The following ZNF521 variants were observed in gnomAD, a reference collection of about 807,000 sequenced individuals.
ZNF521 encodes zinc finger protein 521.
In ZNF521, 14 loss-of-function variants were observed where a neutral mutation model predicts 105.5. The observed-to-expected ratio is 0.13, with a 90% CI of 0.09 to 0.21. The LOEUF (loss-of-function observed/expected upper bound fraction) is 0.21. Ranked by LOEUF, ZNF521 falls within the 10% of genes least tolerant of loss-of-function variation. The probability of loss-of-function intolerance (pLI) is 1.00; values close to 1 mark genes in which losing one functional copy is unlikely to be tolerated. For synonymous variants in ZNF521, 635 were observed against 606.0 expected, an observed-to-expected ratio of 1.05 and a Z score of -0.70; for missense variants, 1,233 against 1,629.7, an observed-to-expected ratio of 0.76 and a Z score of 4.19.
At chr18:25,277,341 ACTTTC>A (rs930250119) in intron 3 of ZNF521, among the ~76,000 whole-genome samples, 4 of 152,268 alleles carry the variant, frequency 2.6e-5, no homozygotes, top group Non-Finnish European at 5.9e-5. Flanking sequence ...AAACAATGTT[ACTTTC>A]CTTTCCTATT....
intron 2 of ZNF521, among the ~76,000 whole-genome samples, chr18:25,323,770 T>C (rs62082267): frequency 0.08 from 12,126 of 152,264 alleles, 643 homozygotes; most frequent in Middle Eastern, 0.17. Context: ...GAATGCTTCT[T>C]CTACAAGTCA....
chr18:25,138,313 A>T (rs2034774955), intron 5 of ZNF521, among the ~76,000 whole-genome samples: 1 of 152,212 alleles, frequency 6.6e-6, no homozygotes, highest in Non-Finnish European at 1.5e-5. Context: ...AATATCGGAA[A>T]GTTATTTTGA....
chr18:25,161,902 A>T (rs561681768), intron 5 of ZNF521, among the ~76,000 whole-genome samples: 2 of 152,208 alleles, frequency 1.3e-5, no homozygotes, highest in Admixed American at 6.5e-5. Context: ...TTCCCCAACC[A>T]CTTCATTAAC....
intron 3 of ZNF521, among the ~76,000 whole-genome samples, chr18:25,308,281 T>C (rs2145096672): frequency 6.6e-6 from 1 of 151,220 alleles, no homozygotes; most frequent in East Asian, 2.0e-4. Context: ...GACACCTTGA[T>C]GGCAACCTCA....
intron 3 of ZNF521, among the ~76,000 whole-genome samples, chr18:25,304,799 G>A (rs780596684): frequency 1.1e-4 from 17 of 152,066 alleles, no homozygotes; most frequent in Non-Finnish European, 1.9e-4. Context: ...ATCCATATTA[G>A]CCATTCTGGT....
chr18:25,200,273 G>A (rs920107014), intron 4 of ZNF521, among the ~76,000 whole-genome samples: 5 of 152,076 alleles, frequency 3.3e-5, no homozygotes, highest in African/African-American at 9.7e-5. Context: ...AGGAACTGTC[G>A]GTAGCCACGT....
At chr18:25,267,664 C>A (rs1286233300) in intron 3 of ZNF521, among the ~76,000 whole-genome samples, 2 of 152,146 alleles carry the variant, frequency 1.3e-5, no homozygotes, top group Non-Finnish European at 1.5e-5. Context: ...ATAGCAAACA[C>A]CAGAAGAGCT....
At chr18:25,256,062 G>C (rs1227699589) in intron 3 of ZNF521, among the ~76,000 whole-genome samples, 2 of 148,528 alleles carry the variant, frequency 1.3e-5, no homozygotes, top group East Asian at 3.9e-4. Flanking sequence ...TATGTAAAAT[G>C]GGATATTATT....
rs1455690242 is a variant in ZNF521, at chr18:25,062,593, A to T, written c.*119T>A. 3.7e-6 allele frequency: 5 copies of T among 1,335,856 alleles called. No homozygotes were observed. The African/African-American group carries it at 4.4e-5, about 12-fold the overall frequency. The allele number at this position is 1,335,856 out of a possible 1,614,324, so 82.8% of individuals were successfully genotyped here. On this transcript the variant is annotated 3_prime_UTR_variant, in exon 8 of 8. Transcript: ENST00000361524. ...CCAACAGTTTGATAATACAAGTTTT[A>T]TGGTACAATACAATGTTTCTGAATA...
chr18:25,335,177 C>T (rs562578222), intron 2 of ZNF521, among the ~76,000 whole-genome samples: 1 of 152,158 alleles, frequency 6.6e-6, no homozygotes, highest in Non-Finnish European at 1.5e-5. Flanking sequence ...CAGAAAAAGT[C>T]TGAGAGGGTT....
At chr18:25,260,768 A>C (rs1229021860) in intron 3 of ZNF521, among the ~76,000 whole-genome samples, 1 of 152,106 alleles carries the variant, frequency 6.6e-6, no homozygotes, top group Non-Finnish European at 1.5e-5. Context: ...GCATTATGTT[A>C]TCTCTTCAAT....
intron 5 of ZNF521, among the ~76,000 whole-genome samples, chr18:25,179,372 A>G (rs573950325): frequency 1.4e-4 from 21 of 151,668 alleles, no homozygotes; most frequent in Admixed American, 1.2e-3. Context: ...ACTTCTATAC[A>G]TGATCATTTA....
intron 5 of ZNF521, among the ~76,000 whole-genome samples, chr18:25,151,254 A>G (rs955214326): frequency 2.0e-5 from 3 of 152,074 alleles, no homozygotes; most frequent in African/African-American, 7.2e-5. Flanking sequence ...TCTTCCTCTG[A>G]TTCATATCCT....
chr18:25,145,205 C>G (rs569461531), intron 5 of ZNF521, among the ~76,000 whole-genome samples: 1 of 152,238 alleles, frequency 6.6e-6, no homozygotes, highest in Non-Finnish European at 1.5e-5. Context: ...ACTATGTGTT[C>G]TCTTAACTAC....
At chr18:25,065,536 C>A (rs766437250) in intron 7 of ZNF521, among the ~76,000 whole-genome samples, 1 of 151,992 alleles carries the variant, frequency 6.6e-6, no homozygotes, top group Non-Finnish European at 1.5e-5. Context: ...ATCGAAGACA[C>A]TTCTGGTCCC....
intron 5 of ZNF521, among the ~76,000 whole-genome samples, chr18:25,150,146 A>G (rs1369328239): frequency 1.3e-5 from 2 of 152,176 alleles, no homozygotes; most frequent in Middle Eastern, 3.2e-3. Flanking sequence ...GGAACTGGAG[A>G]CCATCCAGTT....
intron 5 of ZNF521, among the ~76,000 whole-genome samples, chr18:25,121,378 G>A (rs1003950949): frequency 6.7e-6 from 1 of 149,874 alleles, no homozygotes; most frequent in African/African-American, 2.5e-5. Context: ...CCTCAGCCTC[G>A]AGCAGCTGTG....
At chr18:25,341,288 T>C (rs1914187707) in intron 2 of ZNF521, among the ~76,000 whole-genome samples, 1 of 152,204 alleles carries the variant, frequency 6.6e-6, no homozygotes, top group Admixed American at 6.5e-5. Flanking sequence ...ATGGAATAAG[T>C]TCCTTGCAAC....
At position 25,189,274 on chromosome 18, in the gene ZNF521, CTATGT is replaced by C. The variant is rs2035778299; in HGVS notation, c.3658+5881_3658+5885del. On this transcript the variant is annotated intron_variant, in intron 5 of 7. Transcript: ENST00000361524. Reference sequence around the variant, plus strand: ...TCTTTGCACTTGGTAAGCAGTACAGCTATGTTATATTTATGCCCGCGTATGTCCTT... The same window carrying C: ...TCTTTGCACTTGGTAAGCAGTACAGCTATATTTATGCCCGCGTATGTCCTT... Among the ~76,000 whole-genome samples, 7 of 152,234 alleles carry C rather than the reference CTATGT, an allele frequency of 4.6e-5. 1 individual carries two copies. The South Asian group carries it at 1.2e-3, about 27-fold the overall frequency.
Sources: gnomAD v4.1 joint callset for allele counts (sites outside exome capture counted in the v4.1 genomes callset) on GRCh38, gnomAD v4.1.1 for gene constraint, MANE v1.5 for transcripts, NCBI Gene and HGNC (gene_info 2026-07-23, HGNC 2026-07-21) for gene names.